The following ITSN1 variants were observed in gnomAD, a reference collection of about 807,000 sequenced individuals.
ITSN1 encodes the protein intersectin-1.
ITSN1 carries 58 observed loss-of-function variants against 239.8 expected under a neutral mutation model. That is an observed-to-expected ratio of 0.24 (90% CI 0.20 to 0.30). The LOEUF (loss-of-function observed/expected upper bound fraction) is 0.30. Among genes scored for constraint, ITSN1 ranks in the 10% least tolerant of loss-of-function variants. ITSN1 has a pLI of 1.00. For synonymous variants in ITSN1, 780 were observed against 770.8 expected (o/e 1.01, Z -0.20); for missense variants, 1,558 against 2,103.3 (o/e 0.74, Z 5.07).
At chr21:33,871,099 C>A (rs1466547018) in intron 33 of ITSN1, among the ~76,000 whole-genome samples, 1 of 151,878 alleles carries the variant, frequency 6.6e-6, no homozygotes, top group Non-Finnish European at 1.5e-5. Flanking sequence ...CCACAGCACT[C>A]CAGCCTGGGT....
Position 33,888,201 on chromosome 21 carries a change from G to A in ITSN1, c.5067G>A (p.Gln1689=), listed in dbSNP as rs758492612. 2.7e-5 allele frequency: 43 copies of A among 1,614,018 alleles called. No individual in the cohort carries two copies. The East Asian group carries it at 8.9e-4, about 33-fold the overall frequency. ...EIRVADIKKD[Q]GSKGPVTKCL... ...GTGTGGCGGACATCAAGAAAGACCAGGGCTCCAAAGGTCCAGTTACGAAGT... is the reference window on the plus strand; with the variant it reads ...GTGTGGCGGACATCAAGAAAGACCAAGGCTCCAAAGGTCCAGTTACGAAGT... Residue 1689 remains glutamine, a synonymous_variant, in exon 40 of 40, where the codon CAG becomes CAA. Coordinates refer to ENST00000381318, the MANE Select transcript of ITSN1 (RefSeq NM_003024.3).
At position 33,763,988 on chromosome 21, in the gene ITSN1, C is replaced by G. The variant is rs149166729; in HGVS notation, c.789-1887C>G. 1.1e-4 allele frequency among the ~76,000 whole-genome samples: 16 copies of G among 152,268 alleles called. No homozygotes were observed. In the East Asian group the frequency reaches 3.1e-3, roughly 29 times the overall value. ...TTCTGTTTTGTATGAAAGAGCTTGC[C>G]TTTGGCAGTAGACCAGACCAGTTAA... is the stretch of plus-strand genomic sequence containing the variant. On this transcript the variant is annotated intron_variant, in intron 9 of 39. Coordinates refer to ENST00000381318, the MANE Select transcript of ITSN1 (RefSeq NM_003024.3).
Position 33,742,719 on chromosome 21 carries a change from A to G in ITSN1, c.347-7424A>G, listed in dbSNP as rs148937590. On this transcript the variant is annotated intron_variant, in intron 5 of 39. Coordinates refer to ENST00000381318, the MANE Select transcript of ITSN1 (RefSeq NM_003024.3). ...ACTGGGAGTGGAATCAAAATTGAGCAGTATAGGGACATGGATACAAAGGAA... is the reference window on the plus strand; with the variant it reads ...ACTGGGAGTGGAATCAAAATTGAGCGGTATAGGGACATGGATACAAAGGAA... Among the ~76,000 whole-genome samples the G allele has an allele frequency of 1.1e-3, 172 of 152,344 alleles. 1 individual carries two copies. The highest frequency in any genetic ancestry group is 6.8e-3 in the Middle Eastern group (2 of 294).
chr21:33,714,670 T>G (rs1302490992), intron 1 of ITSN1, among the ~76,000 whole-genome samples: 1 of 152,184 alleles, frequency 6.6e-6, no homozygotes, highest in Non-Finnish European at 1.5e-5. Context: ...TTTTAATGCC[T>G]TCAGTATCAT....
intron 1 of ITSN1, among the ~76,000 whole-genome samples, chr21:33,710,043 T>C (rs1601769960): frequency 6.6e-6 from 1 of 151,982 alleles, no homozygotes; most frequent in Non-Finnish European, 1.5e-5. Flanking sequence ...TGTAGAAGTT[T>C]CCTACTAATT....
At chr21:33,679,760 G>T (rs1291669327) in intron 1 of ITSN1, among the ~76,000 whole-genome samples, 1 of 124,182 alleles carries the variant, frequency 8.1e-6, no homozygotes, top group African/African-American at 3.1e-5. Context: ...CTGGAGTGCA[G>T]TGGCAGAGCT....
intron 9 of ITSN1, among the ~76,000 whole-genome samples, chr21:33,764,476 C>T (rs1330362779): frequency 2.6e-5 from 4 of 151,936 alleles, no homozygotes; most frequent in Non-Finnish European, 5.9e-5. Flanking sequence ...GGGTATCTTG[C>T]AAAACTAGAG....
chr21:33,767,520 GTCTGA>G (rs1329346300), intron 10 of ITSN1, among the ~76,000 whole-genome samples, 188 bp from the exon 11 acceptor site: 5 of 152,260 alleles, frequency 3.3e-5, no homozygotes, highest in African/African-American at 1.2e-4. Context: ...GGCACTCAGA[GTCTGA>G]TGACATTCCA....
intron 1 of ITSN1, among the ~76,000 whole-genome samples, chr21:33,667,621 G>C (rs1455142320): frequency 6.6e-6 from 1 of 152,138 alleles, no homozygotes; most frequent in Non-Finnish European, 1.5e-5. Flanking sequence ...TAATCCAGCA[G>C]CTCTGTGGAG....
chr21:33,818,990 A>T (rs1415822705), intron 23 of ITSN1, among the ~76,000 whole-genome samples: 2 of 152,248 alleles, frequency 1.3e-5, no homozygotes, highest in African/African-American at 4.8e-5. Context: ...TCAGTCAGTC[A>T]TGCCTTGAAA....
intron 16 of ITSN1, among the ~76,000 whole-genome samples, chr21:33,784,587 T>C (rs1030120436): frequency 6.6e-6 from 1 of 152,238 alleles, no homozygotes; most frequent in African/African-American, 2.4e-5. Flanking sequence ...TTGGAGGACT[T>C]AGTGAATATG....
intron 4 of ITSN1, among the ~76,000 whole-genome samples, chr21:33,727,289 A>G (rs1348039678): frequency 6.6e-6 from 1 of 152,178 alleles, no homozygotes; most frequent in African/African-American, 2.4e-5. Flanking sequence ...CAGTGGGAAT[A>G]GACAAGAGCC....
chr21:33,736,029 C>CA (rs2066480798), intron 5 of ITSN1, among the ~76,000 whole-genome samples: 2 of 152,176 alleles, frequency 1.3e-5, no homozygotes, highest in African/African-American at 2.4e-5. Context: ...AATTATCTTT[C>CA]AACCAGGTAT....
intron 33 of ITSN1, among the ~76,000 whole-genome samples, chr21:33,871,758 G>C (rs1179399716): frequency 6.6e-6 from 1 of 151,704 alleles, no homozygotes; most frequent in Admixed American, 6.6e-5. Context: ...AAAAAGAAAA[G>C]ATAGAATATA....
chr21:33,675,366 G>A (rs528968012), intron 1 of ITSN1, among the ~76,000 whole-genome samples: 4 of 151,952 alleles, frequency 2.6e-5, no homozygotes, highest in Admixed American at 6.6e-5. Flanking sequence ...GACCGAGACC[G>A]TCCTAGCCAA....
intron 38 of ITSN1, among the ~76,000 whole-genome samples, 156 bp from the exon 39 acceptor site, chr21:33,886,131 G>C (rs1985757003): frequency 6.6e-6 from 1 of 151,606 alleles, no homozygotes; most frequent in South Asian, 2.1e-4. Context: ...AGAATCACTT[G>C]AGCTCAGGAG....
Position 33,787,665 on chromosome 21 carries a change from A to G in ITSN1, c.1824+5532A>G, listed in dbSNP as rs118070736. The stretch of plus-strand genomic sequence containing the variant: ...AGGAAAAAAGAAAAGAGCTGGAGAA[A>G]GAACTGCAGAACAGAGTAAGAAGTC... On this transcript the variant is annotated intron_variant, in intron 16 of 39. Coordinates refer to ENST00000381318, the MANE Select transcript of ITSN1 (RefSeq NM_003024.3). 9.2e-5 allele frequency among the ~76,000 whole-genome samples: 14 copies of G among 152,352 alleles called. No homozygotes were observed. In the East Asian group the frequency reaches 2.7e-3, roughly 29 times the overall value.
intron 1 of ITSN1, among the ~76,000 whole-genome samples, chr21:33,714,136 C>A (rs2092501464): frequency 2.0e-5 from 3 of 152,206 alleles, no homozygotes; most frequent in Admixed American, 1.3e-4. Context: ...GGCCCAGCCT[C>A]ATCTTTAAGC....
chr21:33,851,773 C>CT (rs1978338349), intron 29 of ITSN1, among the ~76,000 whole-genome samples: 23 of 57,436 alleles, frequency 4.0e-4, no homozygotes, highest in Admixed American at 7.6e-4. Flanking sequence ...CTTTTCTTTT[C>CT]TTTCCTTTTT....
Sources: allele counts gnomAD v4.1 joint callset (sites outside exome capture counted in the v4.1 genomes callset), GRCh38; gene constraint gnomAD v4.1.1; transcripts MANE v1.5; gene names NCBI Gene and HGNC (gene_info 2026-07-23, HGNC 2026-07-21).